UNC5C: variants seen among roughly 807,000 people sequenced by gnomAD.
UNC5C encodes the protein unc-5 netrin receptor C, also known as netrin receptor UNC5C.
UNC5C carries 47 observed loss-of-function variants against 99.8 expected under a neutral mutation model. The ratio of observed to expected loss-of-function variants is 0.47; its 90% CI spans 0.37 to 0.60. UNC5C has a LOEUF of 0.60. Ranked by LOEUF, UNC5C falls within the 20% of genes least tolerant of loss-of-function variation. The probability of loss-of-function intolerance (pLI) is 0.00; values close to 1 mark genes in which losing one functional copy is unlikely to be tolerated. For synonymous variants in UNC5C, 487 were observed against 452.2 expected (o/e 1.08, Z -0.98); for missense variants, 1,062 against 1,165.9 (o/e 0.91, Z 1.30).
intron 1 of UNC5C, among the ~76,000 whole-genome samples, chr4:95,339,009 G>A (rs1743455001): frequency 6.6e-6 from 1 of 152,038 alleles, no homozygotes; most frequent in Non-Finnish European, 1.5e-5. Flanking sequence ...AACCAGCCCT[G>A]TCTACAAATG....
rs149449962 is a variant in UNC5C, at chr4:95,286,286, G to A, written c.491-7924C>T. On this transcript the variant is annotated intron_variant, in intron 3 of 15. Coordinates refer to ENST00000453304, the MANE Select transcript of UNC5C (RefSeq NM_003728.4). ...AGAGATATGCAGGTATTACCCTGCT[G>A]TGCTTGATTAAACTGCAGATTCCAC... 1.9e-4 allele frequency among the ~76,000 whole-genome samples: 29 copies of A among 152,338 alleles called. No homozygotes were observed. The East Asian group carries it at 5.4e-3, about 28-fold the overall frequency.
At chr4:95,352,677 C>T (rs917424323) in intron 1 of UNC5C, among the ~76,000 whole-genome samples, 1 of 152,166 alleles carries the variant, frequency 6.6e-6, no homozygotes, top group Non-Finnish European at 1.5e-5. Flanking sequence ...CGTTCAAAAG[C>T]TTGGAATTCC....
chr4:95,335,318 C>T (rs1351589635), intron 2 of UNC5C, 92 bp downstream of exon 2: 45 of 1,190,812 alleles, frequency 3.8e-5, no homozygotes, highest in Non-Finnish European at 5.3e-5. Flanking sequence ...CTCCATTTTC[C>T]ATTCCACTAA....
intron 1 of UNC5C, among the ~76,000 whole-genome samples, chr4:95,483,144 A>G (rs984793061): frequency 2.0e-4 from 30 of 151,358 alleles, no homozygotes; most frequent in Non-Finnish European, 3.1e-4. Flanking sequence ...GCTCTGGTAT[A>G]TTAGACTGCC....
intron 1 of UNC5C, among the ~76,000 whole-genome samples, chr4:95,430,769 G>A (rs1468177761): frequency 1.3e-5 from 2 of 152,114 alleles, no homozygotes; most frequent in African/African-American, 4.8e-5. Context: ...TACATTGAAA[G>A]CAGCTTTCCT....
intron 13 of UNC5C, 71 bp downstream of exon 13, chr4:95,184,976 T>C (rs550294262): frequency 9.9e-6 from 14 of 1,418,348 alleles, no homozygotes; most frequent in Middle Eastern, 3.8e-4. Context: ...GGGGATTTCC[T>C]ATGTCTATAT....
intron 1 of UNC5C, among the ~76,000 whole-genome samples, chr4:95,543,083 C>G (rs1028124026): frequency 6.6e-6 from 1 of 152,164 alleles, no homozygotes. Context: ...CTAAGAGATA[C>G]TGGAATAATA....
chr4:95,547,769 G>A (rs560710066), intron 1 of UNC5C, among the ~76,000 whole-genome samples: 2 of 152,256 alleles, frequency 1.3e-5, no homozygotes, highest in African/African-American at 4.8e-5. Context: ...CAGCTTTCCC[G>A]GCTTTGAAGG....
chr4:95,280,687 T>TCAACAACAACAACAA (rs58348747), intron 3 of UNC5C, among the ~76,000 whole-genome samples: 2,428 of 150,978 alleles, frequency 0.016, 36 homozygotes, highest in Middle Eastern at 0.031. Context: ...AGACCCCATC[T>TCAACAACAACAACAA]CAACAACAAC....
At chr4:95,467,813 A>G (rs1004567207) in intron 1 of UNC5C, among the ~76,000 whole-genome samples, 2 of 152,238 alleles carry the variant, frequency 1.3e-5, no homozygotes, top group Admixed American at 6.5e-5. Flanking sequence ...TAAACAGTCA[A>G]TTAACACATA....
intron 2 of UNC5C, among the ~76,000 whole-genome samples, chr4:95,307,282 ACT>A (rs1273142349): frequency 2.0e-5 from 3 of 152,100 alleles, no homozygotes; most frequent in African/African-American, 7.2e-5. Context: ...ATATAAGCAA[ACT>A]ATATAATTTA....
chr4:95,195,311 T>C (rs1202662018), intron 12 of UNC5C, among the ~76,000 whole-genome samples: 1 of 152,220 alleles, frequency 6.6e-6, no homozygotes, highest in Non-Finnish European at 1.5e-5. Flanking sequence ...GCTTTGCTGC[T>C]GTACCACGCT....
intron 1 of UNC5C, among the ~76,000 whole-genome samples, chr4:95,392,011 C>T (rs536858989): frequency 7.0e-4 from 107 of 152,194 alleles, no homozygotes; most frequent in Non-Finnish European, 9.0e-4. Flanking sequence ...GAGCTGTGTT[C>T]GTGCCATTGC....
At chr4:95,347,321 A>G (rs531056091) in intron 1 of UNC5C, among the ~76,000 whole-genome samples, 2 of 152,232 alleles carry the variant, frequency 1.3e-5, no homozygotes, top group South Asian at 2.1e-4. Context: ...ACATTGTTAA[A>G]ATGTCCATAC....
chr4:95,228,609 C>T (rs1738782054), intron 7 of UNC5C, among the ~76,000 whole-genome samples: 1 of 152,162 alleles, frequency 6.6e-6, no homozygotes, highest in African/African-American at 2.4e-5. Context: ...GGTTGGATCC[C>T]AGCCCTCAGG....
At chr4:95,279,779 G>A (rs1199938186) in intron 3 of UNC5C, among the ~76,000 whole-genome samples, 1 of 152,094 alleles carries the variant, frequency 6.6e-6, no homozygotes, top group African/African-American at 2.4e-5. Context: ...GTGGAAACCT[G>A]AAGACTCTAG....
intron 12 of UNC5C, among the ~76,000 whole-genome samples, chr4:95,200,527 C>A (rs753387534): frequency 6.6e-6 from 1 of 152,172 alleles, no homozygotes; most frequent in Non-Finnish European, 1.5e-5. Flanking sequence ...GATGATACAT[C>A]TATAAAGTGG....
intron 4 of UNC5C, among the ~76,000 whole-genome samples, chr4:95,258,743 A>ACTCTTTTTTTTTTT (rs1184674099): frequency 1.2e-5 from 1 of 85,868 alleles, no homozygotes; most frequent in African/African-American, 3.8e-5. Flanking sequence ...CGACCATCTT[A>ACTCTTTTTTTTTTT]TTCTTTTTTT....
rs940195574 is a variant in UNC5C, at chr4:95,174,128, CTCTT to C, written c.2452-3800_2452-3797del. 2.9e-3 allele frequency among the ~76,000 whole-genome samples: 439 copies of C among 152,144 alleles called. 4 individuals are homozygous for C. Among genetic ancestry groups the C allele is most frequent in the Middle Eastern group, 6.8e-3 (2 of 294 alleles). On this transcript the variant is annotated intron_variant, in intron 14 of 15. Transcript: ENST00000453304. ...TTTATTGCGTCTATTTGATTCTTCTCTCTTTTTTTCTTTATTAGTCTTGCTAGCA... is the reference window on the plus strand; with the variant it reads ...TTTATTGCGTCTATTTGATTCTTCTCTTTTTCTTTATTAGTCTTGCTAGCA...
Sources: allele counts gnomAD v4.1 joint callset (sites outside exome capture counted in the v4.1 genomes callset), GRCh38; gene constraint gnomAD v4.1.1; transcripts MANE v1.5; gene names NCBI Gene and HGNC (gene_info 2026-07-23, HGNC 2026-07-21).